Variants in CCDC169 observed in about 807,000 individuals in gnomAD.
The protein encoded by CCDC169 is coiled-coil domain-containing protein 169.
CCDC169 carries 30 observed loss-of-function variants against 36.0 expected under a neutral mutation model. The ratio of observed to expected loss-of-function variants is 0.83; its 90% CI spans 0.62 to 1.13. The LOEUF (loss-of-function observed/expected upper bound fraction) is 1.13. Among genes scored for constraint, CCDC169 ranks in the 50% most tolerant of loss-of-function variants. The pLI is 0.00. For missense variants in CCDC169, 245 were observed against 245.9 expected (o/e 1.00, Z 0.03); for synonymous variants, 85 against 81.5 (o/e 1.04, Z -0.23).
At chr13:36,294,727 A>C (rs1363563131) in intron 2 of CCDC169, among the ~76,000 whole-genome samples, 1 of 152,034 alleles carries the variant, frequency 6.6e-6, no homozygotes, top group Admixed American at 6.6e-5. Flanking sequence ...TTAGAACTCT[A>C]AGGGGGTCTG....
rs964520714 is a variant in CCDC169 at position 36,282,354 on chromosome 13, T to C, written c.315+1115A>G. Reference sequence around the variant, plus strand: ...TTTATATCAAAGAATAAGACTTAGTTTTGTCCTTAGCTAAGAGGGTCTCTT... The same window carrying C: ...TTTATATCAAAGAATAAGACTTAGTCTTGTCCTTAGCTAAGAGGGTCTCTT... On this transcript the variant is annotated intron_variant, in intron 4 of 7. Coordinates refer to ENST00000239859, the MANE Select transcript of CCDC169 (RefSeq NM_001144981.3). 1.3e-5 allele frequency: 13 copies of C among 983,338 alleles called. No individual in the cohort carries two copies. In the African/African-American group the frequency reaches 2.3e-4, roughly 17 times the overall value. 60.9% of individuals were successfully genotyped at this position (983,338 alleles called of 1,614,324 possible).
chr13:36,248,599 G>A lies in CCDC169; in HGVS notation c.545+7C>T. On this transcript the variant is annotated splice_region_variant and intron_variant, in intron 7 of 7. Transcript: ENST00000239859. The stretch of plus-strand genomic sequence containing the variant: ...GAATTAGAAAGAAAATATATAGCTA[G>A]ACTTACGTTTTCACTAGATTCTCTT... 1 of 1,548,596 alleles carries A rather than the reference G, an allele frequency of 6.5e-7. No individual in the cohort carries two copies.
At chr13:36,253,501 T>C (rs1270264578) in intron 6 of CCDC169, among the ~76,000 whole-genome samples, 1 of 152,034 alleles carries the variant, frequency 6.6e-6, no homozygotes, top group Non-Finnish European at 1.5e-5. Context: ...CACGCCCAAC[T>C]AATTTTTGTA....
At position 36,253,844 on chromosome 13, in the gene CCDC169, T is replaced by A. The variant is rs1341301374; in HGVS notation, c.427A>T (p.Ile143Phe). 4 of 1,551,228 alleles carry A rather than the reference T, an allele frequency of 2.6e-6. No individual in the cohort carries two copies. Among genetic ancestry groups the A allele is most frequent in the Non-Finnish European group, 3.5e-6 (4 of 1,146,878 alleles). ...AGGTATGTACGGCGTTCATTGTTGA[T>A]CTTCTGGTAAGCCTGTGTGAAGATA... ...LEQESKAYQK[I>F]NNERRTYLAE... is the part of the protein sequence containing the mutation. Residue 143 changes from isoleucine to phenylalanine, a missense_variant, in exon 6 of 8, where the codon ATC (isoleucine) becomes TTC (phenylalanine). Ile to Phe is a conservative substitution (Grantham distance 21). Transcript: ENST00000239859.
At chr13:36,249,205 G>C (rs1436214698) in intron 6 of CCDC169, among the ~76,000 whole-genome samples, 1 of 152,186 alleles carries the variant, frequency 6.6e-6, no homozygotes, top group Admixed American at 6.5e-5. Flanking sequence ...ATGAAGCCAA[G>C]AGTGAATGAG....
intron 4 of CCDC169, among the ~76,000 whole-genome samples, 151 bp from the exon 5 acceptor site, chr13:36,254,294 T>TTTTTGTC (rs1566069548): frequency 6.7e-6 from 1 of 150,076 alleles, no homozygotes. Flanking sequence ...TTTTTTTTTT[T>TTTTTGTC]AGACAGAGTC....
rs552188807 is a variant in CCDC169, at chr13:36,288,021, T to A, written c.164-4319A>T. ...ACTTTATTATTTATTTTTAATTTTTTTTTTTGAGATGGAGTCTCGCTCTGT... is the reference window on the plus strand; with the variant it reads ...ACTTTATTATTTATTTTTAATTTTTATTTTTGAGATGGAGTCTCGCTCTGT... On this transcript the variant is annotated intron_variant, in intron 2 of 7. Coordinates refer to ENST00000239859, the MANE Select transcript of CCDC169 (RefSeq NM_001144981.3). Among the ~76,000 whole-genome samples the A allele has an allele frequency of 5.3e-5, 8 of 152,232 alleles. No individual in the cohort carries two copies. In the East Asian group the frequency reaches 1.2e-3, roughly 22 times the overall value.
chr13:36,236,654 TATC>T (rs1300461072), intron 7 of CCDC169, among the ~76,000 whole-genome samples: 25 of 152,176 alleles, frequency 1.6e-4, no homozygotes, highest in African/African-American at 5.8e-4. Context: ...TTTCTAAAGA[TATC>T]ATCAAGAAAA....
chr13:36,248,658 T>C lies in CCDC169; in HGVS notation c.493A>G (p.Lys165Glu), dbSNP rs576535002. The change falls in exon 7 of 8, where the codon AAA becomes GAA. Residue 165 changes from lysine (K) to glutamate (E), a missense_variant. Lys to Glu is a moderately conservative substitution (Grantham distance 56, BLOSUM62 1). Transcript: ENST00000239859. ...GGCAGTTGATCCACCTGTTGCCTTT[T>C]AGAAACTTGATGTAAACCAGAACCC... ...SQGSGLHQVS[K>E]RQQVDQLPRM... is the part of the protein sequence containing the mutation. The C allele has an allele frequency of 1.3e-6, 2 of 1,550,688 alleles. No homozygotes were observed. Among genetic ancestry groups the C allele is most frequent in the African/African-American group, 2.7e-5 (2 of 73,124 alleles).
chr13:36,255,682 C>A (rs1873779152), intron 4 of CCDC169, among the ~76,000 whole-genome samples: 1 of 126,032 alleles, frequency 7.9e-6, no homozygotes, highest in South Asian at 2.7e-4. Context: ...AAAAAAGAGG[C>A]CTGCTTGCCG....
rs1390584891 is a variant in CCDC169, at chr13:36,231,019, A to G, written c.*174T>C. 5.7e-6 allele frequency: 8 copies of G among 1,395,882 alleles called. No individual in the cohort carries two copies. The highest frequency in any genetic ancestry group is 1.5e-5 in the African/African-American group (1 of 68,660). 86.5% of individuals were successfully genotyped at this position (1,395,882 alleles called of 1,614,324 possible). A position where few individuals can be genotyped will look rare whatever the true frequency, so the allele number is the denominator to read the frequency against. On this transcript the variant is annotated 3_prime_UTR_variant, in exon 8 of 8. Coordinates refer to ENST00000239859, the MANE Select transcript of CCDC169 (RefSeq NM_001144981.3). Reference sequence around the variant, plus strand: ...ATTACATAGTTTAGGGTCACTGGAGAAAATTACTTTTATGCAGACAAAGGA... The same window carrying G: ...ATTACATAGTTTAGGGTCACTGGAGGAAATTACTTTTATGCAGACAAAGGA...
chr13:36,295,808 G>A lies in CCDC169; in HGVS notation c.133C>T (p.Leu45=). 2 of 1,542,916 alleles carry A rather than the reference G, an allele frequency of 1.3e-6. No homozygotes were observed. The highest frequency in any genetic ancestry group is 1.4e-5 in the African/African-American group (1 of 72,958). ...TTGTCAGTATTGAGTTTGGCTTCCA[G>A]TTCCGTAATCTTGTGTCTTAGTTCA... ...IFELRHKITE[L]EAKLNTDNEG... The change falls in exon 2 of 8, where the codon CTG becomes TTG. Residue 45 remains leucine, a synonymous_variant. Coordinates refer to ENST00000239859, the MANE Select transcript of CCDC169 (RefSeq NM_001144981.3).
intron 4 of CCDC169, among the ~76,000 whole-genome samples, chr13:36,258,202 C>T (rs1360975899): frequency 2.0e-5 from 3 of 152,184 alleles, no homozygotes; most frequent in Non-Finnish European, 4.4e-5. Flanking sequence ...ATGGGGGCTT[C>T]TTTGGCCAAA....
Position 36,239,239 on chromosome 13 carries a change from T to A in CCDC169, c.546-7947A>T, listed in dbSNP as rs1268776303. On this transcript the variant is annotated intron_variant, in intron 7 of 7. Coordinates refer to ENST00000239859, the MANE Select transcript of CCDC169 (RefSeq NM_001144981.3). Reference sequence around the variant, plus strand: ...GGCAACAGCACAAGACCTGTCTCTTTAAAAAAAAGAAAAAAAAAAAAACAG... The same window carrying A: ...GGCAACAGCACAAGACCTGTCTCTTAAAAAAAAAGAAAAAAAAAAAAACAG... Among the ~76,000 whole-genome samples the A allele has an allele frequency of 3.5e-4, 6 of 16,990 alleles. No homozygotes were observed. The East Asian group carries it at 5.8e-3, about 17-fold the overall frequency. 11.1% of individuals were successfully genotyped at this position (16,990 alleles called of 152,430 possible). A position where few individuals can be genotyped will look rare whatever the true frequency, so the allele number is the denominator to read the frequency against.
In CCDC169 at chr13:36,263,511, ACTT is replaced by A. The variant is rs1373085020; in HGVS notation, c.316-9371_316-9369del. Reference sequence around the variant, plus strand: ...CTAAACACTTTATTCTCTCTTAGATACTTCTTAACAATTATTAGAATTTTAAAA... The same window carrying A: ...CTAAACACTTTATTCTCTCTTAGATACTTAACAATTATTAGAATTTTAAAA... On this transcript the variant is annotated intron_variant, in intron 4 of 7. Transcript: ENST00000239859. 9.8e-5 allele frequency among the ~76,000 whole-genome samples: 15 copies of A among 152,338 alleles called. No homozygotes were observed. In the South Asian group the frequency reaches 1.2e-3, roughly 13 times the overall value.
intron 7 of CCDC169, among the ~76,000 whole-genome samples, chr13:36,235,163 A>G (rs1870924516): frequency 6.6e-6 from 1 of 152,006 alleles, no homozygotes; most frequent in Non-Finnish European, 1.5e-5. Context: ...ATTGTTATAA[A>G]TTAATATCTT....
At chr13:36,269,955 T>C (rs914788209) in intron 4 of CCDC169, among the ~76,000 whole-genome samples, 3 of 152,086 alleles carry the variant, frequency 2.0e-5, no homozygotes, top group Non-Finnish European at 4.4e-5. Flanking sequence ...ATAAAGGGCA[T>C]CCAAATTGGA....
At chr13:36,269,221 G>A (rs1875730638) in intron 4 of CCDC169, among the ~76,000 whole-genome samples, 1 of 152,126 alleles carries the variant, frequency 6.6e-6, no homozygotes, top group Admixed American at 6.6e-5. Context: ...GGTTAAATCA[G>A]GAAGAAATGG....
intron 4 of CCDC169, 130 bp from the exon 5 acceptor site, chr13:36,254,273 TAC>T: frequency 3.9e-5 from 18 of 462,092 alleles, no homozygotes; most frequent in Non-Finnish European, 4.6e-5. Context: ...CTATGATATG[TAC>T]TTTTTTTTTT....
Sources: allele counts gnomAD v4.1 joint callset (sites outside exome capture counted in the v4.1 genomes callset), GRCh38; gene constraint gnomAD v4.1.1; transcripts MANE v1.5; gene names NCBI Gene and HGNC (gene_info 2026-07-23, HGNC 2026-07-21).